Variants in FOXP2 observed in about 807,000 individuals in gnomAD.
FOXP2 encodes forkhead box protein P2.
A neutral mutation model predicts 115.8 loss-of-function variants in FOXP2; 12 were observed. The ratio of observed to expected loss-of-function variants is 0.10; its 90% CI spans 0.07 to 0.17. FOXP2 has a LOEUF of 0.17. FOXP2 is among the 10% of genes least tolerant of loss of function. FOXP2 has a pLI of 1.00. For missense variants in FOXP2, 629 were observed against 843.5 expected, an observed-to-expected ratio of 0.75 and a Z score of 3.15; for synonymous variants, 328 against 297.7, an observed-to-expected ratio of 1.10 and a Z score of -1.05.
At chr7:114,334,595 G>GA (rs1276390721) in intron 2 of FOXP2, among the ~76,000 whole-genome samples, 2 of 149,104 alleles carry the variant, frequency 1.3e-5, no homozygotes, top group South Asian at 2.1e-4. Context: ...CAAGTTAGTG[G>GA]AAAAAAATCC....
rs532508907 is a variant in FOXP2, at chr7:114,094,027, G to A, written c.-247+6189G>A. Reference sequence around the variant, plus strand: ...CAGCAAGGACAAGCCAAGTATTTCTGTTATTTTTTATGGGGAAAGATGGAG... The same window carrying A: ...CAGCAAGGACAAGCCAAGTATTTCTATTATTTTTTATGGGGAAAGATGGAG... On this transcript the variant is annotated intron_variant, in intron 1 of 19. Transcript: ENST00000635638. Among the ~76,000 whole-genome samples, 3 of 152,278 alleles carry A rather than the reference G, an allele frequency of 2.0e-5. No individual in the cohort carries two copies. In the South Asian group the frequency reaches 6.2e-4, roughly 32 times the overall value.
intron 2 of FOXP2, among the ~76,000 whole-genome samples, chr7:114,408,144 T>C (rs1009938739): frequency 1.3e-5 from 2 of 152,184 alleles, no homozygotes; most frequent in African/African-American, 4.8e-5. Context: ...CCTCACATTT[T>C]GGCATCAAGT....
At chr7:114,420,029 A>G (rs1270774279) in intron 1 of FOXP2, among the ~76,000 whole-genome samples, 1 of 151,928 alleles carries the variant, frequency 6.6e-6, no homozygotes, top group Admixed American at 6.6e-5. Context: ...CTGAAAGGGC[A>G]AGAGAATGAG....
chr7:114,544,072 G>A (rs905083426), intron 3 of FOXP2, among the ~76,000 whole-genome samples: 24 of 151,934 alleles, frequency 1.6e-4, no homozygotes, highest in Admixed American at 1.1e-3. Context: ...CCCAGGCTGG[G>A]CTCTAAATCC....
At chr7:114,496,138 C>G (rs1211447607) in intron 2 of FOXP2, among the ~76,000 whole-genome samples, 1 of 151,960 alleles carries the variant, frequency 6.6e-6, no homozygotes, top group Non-Finnish European at 1.5e-5. Context: ...GAAAAAAAAT[C>G]TATAATAATC....
At chr7:114,476,252 A>T (rs1796255386) in intron 2 of FOXP2, among the ~76,000 whole-genome samples, 1 of 151,958 alleles carries the variant, frequency 6.6e-6, no homozygotes, top group African/African-American at 2.4e-5. Context: ...TTGTAGTTTC[A>T]GGTGTTACAT....
chr7:114,420,095 T>C (rs1018964172), intron 1 of FOXP2, among the ~76,000 whole-genome samples: 1 of 151,516 alleles, frequency 6.6e-6, no homozygotes, highest in Non-Finnish European at 1.5e-5. Context: ...TCCCAGGGAG[T>C]TGCTGTGGGC....
chr7:114,128,109 CTGCA>C (rs1418577672), intron 1 of FOXP2, among the ~76,000 whole-genome samples: 1 of 152,164 alleles, frequency 6.6e-6, no homozygotes, highest in Non-Finnish European at 1.5e-5. Context: ...GATCAGAGAT[CTGCA>C]TGTGGTAAAC....
At chr7:114,330,284 G>T (rs951640030) in intron 2 of FOXP2, among the ~76,000 whole-genome samples, 8 of 151,652 alleles carry the variant, frequency 5.3e-5, no homozygotes, top group African/African-American at 1.9e-4. Context: ...TTTAATTTCT[G>T]ACTTATGAGG....
At chr7:114,229,784 T>A in intron 1 of FOXP2, among the ~76,000 whole-genome samples, 1 of 149,812 alleles carries the variant, frequency 6.7e-6, no homozygotes, top group African/African-American at 2.5e-5. Context: ...ACACCTACAT[T>A]GAAGAAAAAA....
chr7:114,150,452 T>C, intron 1 of FOXP2, among the ~76,000 whole-genome samples: 1 of 152,166 alleles, frequency 6.6e-6, no homozygotes, highest in Middle Eastern at 3.4e-3. Context: ...TATCTTTATA[T>C]ACATTTTTTC....
intron 2 of FOXP2, among the ~76,000 whole-genome samples, chr7:114,295,664 T>A (rs1796725866): frequency 6.6e-6 from 1 of 152,200 alleles, no homozygotes; most frequent in Admixed American, 6.5e-5. Flanking sequence ...TCATGTAAAA[T>A]GAAGTTATAG....
At chr7:114,471,941 C>G (rs2129230963) in intron 2 of FOXP2, among the ~76,000 whole-genome samples, 2 of 149,252 alleles carry the variant, frequency 1.3e-5, no homozygotes, top group South Asian at 4.2e-4. Context: ...GCCCGGGCAA[C>G]TGAGTGAAAC....
chr7:114,279,291 G>C (rs1380868496), intron 1 of FOXP2, among the ~76,000 whole-genome samples: 1 of 152,092 alleles, frequency 6.6e-6, no homozygotes, highest in African/African-American at 2.4e-5. Flanking sequence ...AGTAGAGTAG[G>C]ACTACAGACT....
chr7:114,300,798 A>G (rs1461606024), intron 2 of FOXP2, among the ~76,000 whole-genome samples: 1 of 151,952 alleles, frequency 6.6e-6, no homozygotes, highest in African/African-American at 2.4e-5. Context: ...AAACATGTAA[A>G]TGTTAGCTAC....
chr7:114,167,031 A>G (rs1793001518), intron 1 of FOXP2, among the ~76,000 whole-genome samples: 1 of 152,214 alleles, frequency 6.6e-6, no homozygotes, highest in Non-Finnish European at 1.5e-5. Context: ...ACAAAGCTAA[A>G]CATAGTCTTA....
intron 3 of FOXP2, among the ~76,000 whole-genome samples, chr7:114,575,798 T>C (rs1801547552): frequency 6.6e-6 from 1 of 151,896 alleles, no homozygotes; most frequent in Admixed American, 6.6e-5. Context: ...TAGCAGAGAG[T>C]AACCTGAAGT....
Position 114,176,374 on chromosome 7 carries a change from T to C in FOXP2, c.-102+13286T>C, listed in dbSNP as rs186537863. On this transcript the variant is annotated intron_variant, in intron 1 of 17. Coordinates refer to the FOXP2 transcript ENST00000634411. ...TCTCTTTCTTGACAGGGTCTCAGTCTGTCACACAGGCTGGAGTGCAGTGGT... is the reference window on the plus strand; with the variant it reads ...TCTCTTTCTTGACAGGGTCTCAGTCCGTCACACAGGCTGGAGTGCAGTGGT... 2.4e-3 allele frequency among the ~76,000 whole-genome samples: 357 copies of C among 150,830 alleles called. 2 individuals carry two copies. The highest frequency in any genetic ancestry group is 8.4e-3 in the African/African-American group (340 of 40,640).
chr7:114,617,902 A>G (rs771890133), intron 3 of FOXP2, among the ~76,000 whole-genome samples: 2 of 152,204 alleles, frequency 1.3e-5, no homozygotes, highest in Non-Finnish European at 2.9e-5. Context: ...TGCTATATGT[A>G]TTCCATACCC....
Sources: gnomAD v4.1 joint callset for allele counts (sites outside exome capture counted in the v4.1 genomes callset) on GRCh38, gnomAD v4.1.1 for gene constraint, MANE v1.5 for transcripts, NCBI Gene and HGNC (gene_info 2026-07-23, HGNC 2026-07-21) for gene names.